Variants in SMAD3 observed in about 807,000 individuals in gnomAD.
SMAD3 encodes the protein SMAD family member 3.
Under a neutral mutation model 51.8 loss-of-function variants are expected in SMAD3, and 12 were observed. The observed-to-expected ratio is 0.23, with a 90% confidence interval of 0.15 to 0.38. The LOEUF (loss-of-function observed/expected upper bound fraction) is 0.38, where lower values mean the gene tolerates loss of function less well. Ranked by LOEUF, SMAD3 falls within the 10% of genes least tolerant of loss-of-function variation. The pLI is 1.00. For synonymous variants in SMAD3, 238 were observed against 227.7 expected (o/e 1.05, Z -0.41); for missense variants, 294 against 565.6 (o/e 0.52, Z 4.87).
In SMAD3 at chr15:67,138,358, G is replaced by A. The variant is rs930335370; in HGVS notation, c.207-26537G>A. ...CCCTCCCCTGAACCCCCCCTCCCCC[G>A]GCCCCAGGATGGAGCTTGCTTGCCA... On this transcript the variant is annotated intron_variant, in intron 1 of 8. Transcript: ENST00000327367. 61 of 439,982 alleles carry A rather than the reference G, an allele frequency of 1.4e-4. No homozygotes were observed. The Middle Eastern group carries it at 1.9e-3, about 14-fold the overall frequency. The allele number at this position is 439,982 out of a possible 1,614,324, so 27.3% of individuals were successfully genotyped here.
chr15:67,190,085 A>T (rs1470671867), intron 8 of SMAD3, among the ~76,000 whole-genome samples: 1 of 152,008 alleles, frequency 6.6e-6, no homozygotes, highest in African/African-American at 2.4e-5. Context: ...CTCCTCTATT[A>T]GGGGGCCTGT....
chr15:67,154,652 G>A (rs1962235116), intron 1 of SMAD3, among the ~76,000 whole-genome samples: 1 of 152,032 alleles, frequency 6.6e-6, no homozygotes, highest in African/African-American at 2.4e-5. Context: ...AAAATGCCAG[G>A]GTGTAGTATA....
rs886051378 is a variant in SMAD3, at chr15:67,065,991, A to C, written c.-164A>C. On this transcript the variant is annotated 5_prime_UTR_variant, in exon 1 of 9. Transcript: ENST00000327367. ...CCGCGCGCCGAGCCCCGCAGGCTGC[A>C]GCGCCGCGGCCCGGCCCGGCGCCCC... The C allele has an allele frequency of 6.0e-5, 15 of 247,998 alleles. No individual in the cohort carries two copies. In the South Asian group the frequency reaches 2.3e-3, roughly 38 times the overall value. 15.4% of individuals were successfully genotyped at this position (247,998 alleles called of 1,614,324 possible). A position where few individuals can be genotyped will look rare whatever the true frequency, so the allele number is the denominator to read the frequency against.
chr15:67,178,191 G>C (rs954339548), intron 5 of SMAD3, among the ~76,000 whole-genome samples: 27 of 152,216 alleles, frequency 1.8e-4, no homozygotes, highest in African/African-American at 6.3e-4. Flanking sequence ...CCCCAGGCCT[G>C]TCTTTGATTC....
At chr15:67,165,694 A>C (rs953958979) in intron 3 of SMAD3, among the ~76,000 whole-genome samples, 12 of 152,208 alleles carry the variant, frequency 7.9e-5, no homozygotes, top group Non-Finnish European at 1.5e-5. Flanking sequence ...ACCGCCCTTG[A>C]GGCCCGGACT....
chr15:67,166,980 A>G (rs1173550728), intron 4 of SMAD3, 127 bp downstream of exon 4: 2 of 792,718 alleles, frequency 2.5e-6, no homozygotes, highest in Non-Finnish European at 4.3e-6. Flanking sequence ...TTTGTAGAGC[A>G]ACCGCGATGT....
chr15:67,148,555 G>A (rs889846820), intron 1 of SMAD3, among the ~76,000 whole-genome samples: 1 of 152,214 alleles, frequency 6.6e-6, no homozygotes. Context: ...TTAGCTTCCT[G>A]CACTTCCCCG....
chr15:67,169,255 C>T (rs759169456), intron 4 of SMAD3, among the ~76,000 whole-genome samples: 3 of 152,098 alleles, frequency 2.0e-5, no homozygotes, highest in African/African-American at 4.8e-5. Flanking sequence ...TTAGTTCTCT[C>T]GGTGAATATT....
At chr15:67,149,873 G>A (rs560440876) in intron 1 of SMAD3, among the ~76,000 whole-genome samples, 18 of 152,290 alleles carry the variant, frequency 1.2e-4, no homozygotes, top group African/African-American at 3.6e-4. Flanking sequence ...TGCAAATGCT[G>A]CATTTTTTGC....
intron 1 of SMAD3, among the ~76,000 whole-genome samples, chr15:67,151,681 T>C (rs1962149700): frequency 6.6e-6 from 1 of 152,208 alleles, no homozygotes; most frequent in Non-Finnish European, 1.5e-5. Context: ...GAAAAATATT[T>C]GATTTTTTTA....
intron 1 of SMAD3, among the ~76,000 whole-genome samples, chr15:67,110,323 G>A (rs965013398): frequency 6.6e-6 from 1 of 152,184 alleles, no homozygotes; most frequent in Non-Finnish European, 1.5e-5. Flanking sequence ...CTCTGCTGGT[G>A]GAGGAAAGGC....
At chr15:67,093,508 G>T (rs866662938) in intron 1 of SMAD3, among the ~76,000 whole-genome samples, 2 of 152,320 alleles carry the variant, frequency 1.3e-5, no homozygotes, top group South Asian at 2.1e-4. Context: ...AGCTAGGGTC[G>T]TCTGTGCACT....
chr15:67,164,342 AAAAG>A (rs1453473783), intron 1 of SMAD3, among the ~76,000 whole-genome samples: 4 of 139,330 alleles, frequency 2.9e-5, no homozygotes, highest in East Asian at 2.0e-4. Flanking sequence ...AAAAAAAAAA[AAAAG>A]AGGAGGAAAG....
chr15:67,079,010 C>T (rs1566960915), intron 1 of SMAD3, among the ~76,000 whole-genome samples: 3 of 151,136 alleles, frequency 2.0e-5, no homozygotes, highest in South Asian at 4.2e-4. Context: ...CGGAGTTTCG[C>T]TCTTGTTGCC....
Position 67,066,378 on chromosome 15 carries a change from G to T in SMAD3, c.206+18G>T, listed in dbSNP as rs759701564. The T allele has an allele frequency of 6.2e-7, 1 of 1,604,298 alleles. No homozygotes were observed. The highest frequency in any genetic ancestry group is 1.7e-5 in the Admixed American group (1 of 59,662). On this transcript the variant is annotated intron_variant, in intron 1 of 8. Transcript: ENST00000327367. ...ATCCCCAGGTGGGGGCCCGCCCGGG[G>T]GGGACCCGGGGTCACGCCGGCCCAG...
intron 1 of SMAD3, among the ~76,000 whole-genome samples, chr15:67,092,137 T>C (rs1960521776): frequency 6.6e-6 from 1 of 152,128 alleles, no homozygotes; most frequent in African/African-American, 2.4e-5. Flanking sequence ...CCTCCTATTA[T>C]TTAAACCCTG....
At chr15:67,141,665 A>T (rs1236953876) in intron 1 of SMAD3, among the ~76,000 whole-genome samples, 4 of 152,146 alleles carry the variant, frequency 2.6e-5, no homozygotes, top group African/African-American at 9.7e-5. Flanking sequence ...ACATGGCAGA[A>T]CTTTCTAACA....
In SMAD3 at chr15:67,066,431, T is replaced by A. The variant is rs529563839; in HGVS notation, c.206+71T>A. The A allele has an allele frequency of 8.7e-6, 11 of 1,263,862 alleles. No individual in the cohort carries two copies. In the South Asian group the frequency reaches 1.4e-4, roughly 16 times the overall value. 78.3% of individuals were successfully genotyped at this position (1,263,862 alleles called of 1,614,324 possible). A position where few individuals can be genotyped will look rare whatever the true frequency, so the allele number is the denominator to read the frequency against. On this transcript the variant is annotated intron_variant, in intron 1 of 8. Transcript: ENST00000327367. ...CCCTGGCACTGCGGGGCCGACCCAG[T>A]GGGGCTGGAGATGGGAAGAGGGAGA... is the stretch of plus-strand genomic sequence containing the variant.
intron 1 of SMAD3, among the ~76,000 whole-genome samples, chr15:67,155,370 A>T (rs1053637666): frequency 6.6e-6 from 1 of 152,232 alleles, no homozygotes; most frequent in African/African-American, 2.4e-5. Flanking sequence ...CTCTTGGCAG[A>T]TGGTGTTTTC....
Sources: gnomAD v4.1 joint callset for allele counts (sites outside exome capture counted in the v4.1 genomes callset) on GRCh38, gnomAD v4.1.1 for gene constraint, MANE v1.5 for transcripts, NCBI Gene and HGNC (gene_info 2026-07-23, HGNC 2026-07-21) for gene names.